The following ISM2 variants were observed in gnomAD, a reference collection of about 807,000 sequenced individuals.
ISM2 encodes the protein isthmin-2.
In ISM2, 50 loss-of-function variants were observed where a neutral mutation model predicts 58.0. The ratio of observed to expected loss-of-function variants is 0.86; its 90% confidence interval spans 0.69 to 1.09. The LOEUF is 1.09. ISM2 is among the 50% of genes least tolerant of loss of function. ISM2 has a pLI of 0.00. For missense variants in ISM2, 723 were observed against 745.0 expected (o/e 0.97, Z 0.34); for synonymous variants, 303 against 312.4 (o/e 0.97, Z 0.32).
intron 1 of ISM2, among the ~76,000 whole-genome samples, chr14:77,492,798 G>A (rs1445991640): frequency 6.6e-6 from 1 of 152,012 alleles, no homozygotes; most frequent in Non-Finnish European, 1.5e-5. Flanking sequence ...TTCTGAGGTC[G>A]GGAGTTCGAG....
intron 6 of ISM2, 64 bp from the exon 7 acceptor site, chr14:77,476,176 G>A (rs2079097679): frequency 3.4e-6 from 5 of 1,481,960 alleles, no homozygotes; most frequent in Non-Finnish European, 4.5e-6. Flanking sequence ...GTGGGGCGGG[G>A]ACTGATTAAG....
At chr14:77,481,026 C>G (rs138349868) in intron 4 of ISM2, among the ~76,000 whole-genome samples, 1 of 152,040 alleles carries the variant, frequency 6.6e-6, no homozygotes, top group Non-Finnish European at 1.5e-5. Context: ...GAAACCTGAA[C>G]CACAATACGC....
Position 77,498,790 on chromosome 14 carries a change from G to A in ISM2, c.4C>T (p.Arg2Cys). 6 of 1,440,236 alleles carry A rather than the reference G, an allele frequency of 4.2e-6. No individual in the cohort carries two copies. The highest frequency in any genetic ancestry group is 3.0e-5 in the East Asian group (1 of 33,086). 89.2% of individuals were successfully genotyped at this position (1,440,236 alleles called of 1,614,324 possible). A position where few individuals can be genotyped will look rare whatever the true frequency, so the allele number is the denominator to read the frequency against. M[R>C]ALRDRAGLLL... ...AGCCCGGCTCGGTCGCGGAGCGCACGCATCGTCTCGGTTCCGAGGCTGCTC... is the reference window on the plus strand; with the variant it reads ...AGCCCGGCTCGGTCGCGGAGCGCACACATCGTCTCGGTTCCGAGGCTGCTC... The change falls in exon 1 of 7, where the codon CGT becomes TGT. Residue 2 changes from arginine (R) to cysteine (C), a missense_variant. Physicochemically the swap from Arg to Cys is radical, Grantham distance 180 (BLOSUM62 -3). Coordinates refer to ENST00000342219, the MANE Select transcript of ISM2 (RefSeq NM_199296.3).
rs189864010 is a variant in ISM2 at position 77,492,633 on chromosome 14, T to G, written c.141+6020A>C. On this transcript the variant is annotated intron_variant, in intron 1 of 6. Transcript: ENST00000342219. ...CTCCTCGTGATCCTCCCACCCACCC[T>G]CCAAGTAGCTAGCACTATAGGCATG... 3.9e-3 allele frequency among the ~76,000 whole-genome samples: 569 copies of G among 144,572 alleles called. 1 individual carries two copies. Among genetic ancestry groups the G allele is most frequent in the African/African-American group, 0.014 (536 of 39,184 alleles). The allele number at this position is 144,572 out of a possible 152,430, so 94.8% of individuals were successfully genotyped here. A position where few individuals can be genotyped will look rare whatever the true frequency, so the allele number is the denominator to read the frequency against.
At chr14:77,494,996 A>C (rs2079229803) in intron 1 of ISM2, among the ~76,000 whole-genome samples, 1 of 151,846 alleles carries the variant, frequency 6.6e-6, no homozygotes, top group Admixed American at 6.6e-5. Context: ...AGATCCTCCC[A>C]CCTCAGCCTC....
At chr14:77,493,722 A>C (rs1257298317) in intron 1 of ISM2, among the ~76,000 whole-genome samples, 4 of 152,048 alleles carry the variant, frequency 2.6e-5, no homozygotes, top group Admixed American at 6.6e-5. Flanking sequence ...TCGGCCTCCC[A>C]AAGTGCCGGG....
rs544573417 is a variant in ISM2 at position 77,478,268 on chromosome 14, C to T, written c.1172G>A (p.Arg391His). Residue 391 changes from arginine (R) to histidine (H), a missense_variant, in exon 6 of 7, where the codon CGC becomes CAC. Arg to His is a conservative substitution (Grantham distance 29, BLOSUM62 0). Transcript: ENST00000342219. ...LPSEEWKLLA[R>H]NATDMHDQDV... is the part of the protein sequence containing the mutation. The stretch of plus-strand genomic sequence containing the variant: ...TTGATCATGCATGTCCGTAGCATTG[C>T]GGGCCAGGAGCTTCCACTCCTCACT... The T allele has an allele frequency of 8.8e-5, 142 of 1,613,996 alleles. No homozygotes were observed. The highest frequency in any genetic ancestry group is 3.6e-4 in the East Asian group (16 of 44,894).
chr14:77,488,937 T>A (rs1470179191), intron 1 of ISM2, among the ~76,000 whole-genome samples: 1 of 152,174 alleles, frequency 6.6e-6, no homozygotes, highest in African/African-American at 2.4e-5. Flanking sequence ...AGCTTACATG[T>A]GGAGTTGCAT....
At position 77,482,619 on chromosome 14, in the gene ISM2, G is replaced by C; in HGVS notation, c.676C>G (p.Leu226Val). 6.3e-7 allele frequency: 1 copy of C among 1,598,216 alleles called. No homozygotes were observed. Among genetic ancestry groups the C allele is most frequent in the Non-Finnish European group, 8.5e-7 (1 of 1,172,874 alleles). ...EDPQAEVSID[L>V]LAEPSNPPPQ... ...GGGGGATTGCTGGGCTCAGCCAACA[G>C]GTCTATCGACACCTCGGCCTGGGGG... Residue 226 changes from leucine (L) to valine (V), a missense_variant, in exon 4 of 7, where the codon CTG becomes GTG. Transcript: ENST00000342219.
chr14:77,498,383 C>A, intron 1 of ISM2: 1 of 1,306,362 alleles, frequency 7.7e-7, no homozygotes, highest in Non-Finnish European at 1.0e-6. Context: ...GAGTGTCGGC[C>A]ACCTCACTCC....
At chr14:77,493,305 T>A (rs1381292304) in intron 1 of ISM2, among the ~76,000 whole-genome samples, 1 of 151,694 alleles carries the variant, frequency 6.6e-6, no homozygotes, top group Non-Finnish European at 1.5e-5. Flanking sequence ...CCACAACCTG[T>A]TTTTATGACG....
chr14:77,477,106 G>A (rs1183307794), intron 6 of ISM2, among the ~76,000 whole-genome samples: 4 of 152,060 alleles, frequency 2.6e-5, no homozygotes, highest in East Asian at 3.8e-4. Context: ...AGAAAGAGGT[G>A]CCCCCCAGAC....
At chr14:77,488,239 C>T (rs945953903) in intron 1 of ISM2, among the ~76,000 whole-genome samples, 1 of 152,156 alleles carries the variant, frequency 6.6e-6, no homozygotes, top group Non-Finnish European at 1.5e-5. Flanking sequence ...CAAATGAACA[C>T]CAGCAACCCT....
chr14:77,475,698 C>T lies in ISM2; in HGVS notation c.1613G>A (p.Ser538Asn), dbSNP rs1250747086. 5.6e-6 allele frequency: 9 copies of T among 1,614,020 alleles called. No individual in the cohort carries two copies. Among genetic ancestry groups the T allele is most frequent in the Non-Finnish European group, 7.6e-6 (9 of 1,180,040 alleles). The change falls in exon 7 of 7, where the codon AGC becomes AAC. Residue 538 changes from serine to asparagine, a missense_variant. Physicochemically the swap from Ser to Asn is conservative, Grantham distance 46 (BLOSUM62 1). Transcript: ENST00000342219. This position sits in a 1 kb window ranked among gnomAD's most constrained non-coding sequence, Gnocchi z 4.1. Reference sequence around the variant, plus strand: ...GGGAGGGAGCACAGCGTGGAGGCGGCTCCAGTCCCCCTTGCACAGGATCCA... The same window carrying T: ...GGGAGGGAGCACAGCGTGGAGGCGGTTCCAGTCCCCCTTGCACAGGATCCA... Reference protein sequence around the residue: ...TPWILCKGDWSRLHAVLPPNN... With the variant: ...TPWILCKGDWNRLHAVLPPNN...
intron 1 of ISM2, 41 bp from the exon 2 acceptor site, chr14:77,484,960 T>C: frequency 6.6e-7 from 1 of 1,521,510 alleles, no homozygotes. Flanking sequence ...AGGTCAGGGC[T>C]CACCCCACGG....
intron 3 of ISM2, 178 bp downstream of exon 3, chr14:77,484,145 G>A: frequency 1.4e-6 from 1 of 730,678 alleles, no homozygotes; most frequent in South Asian, 2.0e-5. Context: ...CTAGAAAGTA[G>A]AGGGGCAGGT....
Position 77,484,554 on chromosome 14 carries a change from G to A in ISM2, c.396C>T (p.Ser132=). The A allele has an allele frequency of 3.1e-6, 5 of 1,597,996 alleles. No individual in the cohort carries two copies. Among genetic ancestry groups the A allele is most frequent in the Non-Finnish European group, 4.3e-6 (5 of 1,172,304 alleles). Residue 132 remains serine, a synonymous_variant, in exon 3 of 7, where the codon TCC becomes TCT. Transcript: ENST00000342219. ...CTTCCCTCAGAGGCCTAGGATCTGG[G>A]GAGGCTGAAGCCTGAGGAAGAGAGA... The part of the protein sequence containing the change: ...TPNPDTQASA[S]PDPRPLREEE...
intron 1 of ISM2, among the ~76,000 whole-genome samples, chr14:77,492,697 A>C (rs2079213546): frequency 6.6e-6 from 1 of 151,844 alleles, no homozygotes; most frequent in South Asian, 2.1e-4. Flanking sequence ...TCTTTTATTT[A>C]ATTAATTTAT....
intron 1 of ISM2, among the ~76,000 whole-genome samples, chr14:77,490,390 G>GAAAAGTA (rs57826757): frequency 9.9e-5 from 15 of 152,256 alleles, no homozygotes; most frequent in African/African-American, 2.4e-4. Context: ...GAAAGAAAAA[G>GAAAAGTA]AACGGAGCCA....
Sources: allele counts gnomAD v4.1 joint callset (sites outside exome capture counted in the v4.1 genomes callset), GRCh38; gene constraint gnomAD v4.1.1; non-coding constraint Gnocchi (gnomAD v3.1); transcripts MANE v1.5; gene names NCBI Gene and HGNC (gene_info 2026-07-23, HGNC 2026-07-21).